Variants in TMEM201 observed in about 807,000 individuals in gnomAD.
TMEM201 encodes transmembrane protein 201, also known as RP13-15M17.2.
In TMEM201, 26 loss-of-function variants were observed where a neutral mutation model predicts 63.4. The ratio of observed to expected loss-of-function variants is 0.41; its 90% CI spans 0.30 to 0.57. The LOEUF (loss-of-function observed/expected upper bound fraction) is 0.57, where lower values mean the gene tolerates loss of function less well. Among genes scored for constraint, TMEM201 ranks in the 20% least tolerant of loss-of-function variants. The pLI, the probability that TMEM201 is intolerant of heterozygous loss-of-function variation, is 0.29. For synonymous variants in TMEM201, 417 were observed against 421.6 expected, an observed-to-expected ratio of 0.99 and a Z score of 0.14; for missense variants, 794 against 917.7, an observed-to-expected ratio of 0.87 and a Z score of 1.74.
intron 3 of TMEM201, among the ~76,000 whole-genome samples, 153 bp downstream of exon 3, chr1:9,597,206 C>T (rs1167379974): frequency 6.6e-6 from 1 of 152,176 alleles, no homozygotes; most frequent in East Asian, 1.9e-4. Context: ...AAAGGGGCCC[C>T]CTCATCCTTG....
Position 9,611,886 on chromosome 1 carries a change from G to A in TMEM201, c.1899G>A (p.Trp633Ter). The A allele has an allele frequency of 6.5e-7, 1 of 1,547,884 alleles. No individual in the cohort carries two copies. The highest frequency in any genetic ancestry group is 8.7e-7 in the Non-Finnish European group (1 of 1,145,610). ...GCTGCTCGGAGGAGGCCGCCACCTG[G>A]AGAGGTCTGTACCCTGAGGTGCGGG... ...TRGCSEEAAT[W>*]RGRFGPSLVR... is the part of the protein sequence containing the mutation. Residue 633 changes from tryptophan (W) to a stop codon, truncating the protein, a stop_gained, in exon 10 of 11, where the codon TGG becomes TGA. Transcript: ENST00000340381. LOFTEE classifies it high-confidence loss of function.
chr1:9,593,346 C>T (rs980913771), intron 1 of TMEM201, among the ~76,000 whole-genome samples: 4 of 152,214 alleles, frequency 2.6e-5, no homozygotes, highest in African/African-American at 9.6e-5. Context: ...GGCCTACCTG[C>T]CTCTTGGGAC....
intron 1 of TMEM201, among the ~76,000 whole-genome samples, chr1:9,593,717 G>T (rs1037704236): frequency 1.3e-5 from 2 of 152,218 alleles, no homozygotes; most frequent in Admixed American, 6.5e-5. Context: ...CCCTAGGCAG[G>T]CTCAAGGGTT....
intron 1 of TMEM201, among the ~76,000 whole-genome samples, chr1:9,589,507 G>A (rs935582416): frequency 3.9e-5 from 6 of 152,262 alleles, no homozygotes; most frequent in Non-Finnish European, 7.3e-5. Context: ...GAGGGACAGG[G>A]AGGCTCAGTA....
chr1:9,595,421 G>A lies in TMEM201; in HGVS notation c.114-469G>A, dbSNP rs79496334. ...TTTCAATCTGGAGGCTCCCTGGGGC[G>A]CACCCTTTCTGCAGCCCAGGATCAA... On this transcript the variant is annotated intron_variant, in intron 1 of 10. Transcript: ENST00000340381. 2.6e-5 allele frequency among the ~76,000 whole-genome samples: 4 copies of A among 151,910 alleles called. No individual in the cohort carries two copies. The South Asian group carries it at 8.3e-4, about 32-fold the overall frequency.
In TMEM201 at chr1:9,592,484, A is replaced by G. The variant is rs150737160; in HGVS notation, c.114-3406A>G. Among the ~76,000 whole-genome samples, 5 of 152,286 alleles carry G rather than the reference A, an allele frequency of 3.3e-5. No homozygotes were observed. The East Asian group carries it at 9.6e-4, about 29-fold the overall frequency. ...CTACAACCACTGAGCTCCCCAGGGC[A>G]GGGACCAAGCCCCATCCAGTGCCCC... On this transcript the variant is annotated intron_variant, in intron 1 of 10. Transcript: ENST00000340381.
chr1:9,602,639 G>A (rs1018381645), intron 6 of TMEM201: 28 of 1,174,174 alleles, frequency 2.4e-5, no homozygotes, highest in Middle Eastern at 3.7e-4. Context: ...TCACCACGCC[G>A]TTTGCTGGCT....
intron 1 of TMEM201, among the ~76,000 whole-genome samples, chr1:9,592,785 C>T (rs1217743386): frequency 2.6e-5 from 4 of 152,210 alleles, no homozygotes; most frequent in African/African-American, 7.2e-5. Flanking sequence ...CATCTCCCTC[C>T]GGGCTTCCTC....
At chr1:9,602,625 C>G (rs1438851869) in intron 6 of TMEM201, 5 of 1,202,240 alleles carry the variant, frequency 4.2e-6, no homozygotes, top group South Asian at 1.9e-5. Context: ...CAGGCACCCC[C>G]CTCTCACCAC....
chr1:9,600,813 C>T (rs571482833), intron 4 of TMEM201, among the ~76,000 whole-genome samples: 138 of 152,150 alleles, frequency 9.1e-4, no homozygotes, highest in Non-Finnish European at 1.7e-3. Flanking sequence ...CCAGCTGCTG[C>T]GGAGACTGGG....
Position 9,601,035 on chromosome 1 carries a change from C to T in TMEM201, c.607-70C>T. On this transcript the variant is annotated intron_variant, in intron 4 of 10. Transcript: ENST00000340381. ...GGGTCTGGCCAGAACCCCGCACAGA[C>T]TGGCACCGGTGATGGCTGGGGGTGG... The T allele has an allele frequency of 3.6e-6, 5 of 1,396,064 alleles. No homozygotes were observed. In the Admixed American group the frequency reaches 9.5e-5, roughly 26 times the overall value. 86.5% of individuals were successfully genotyped at this position (1,396,064 alleles called of 1,614,324 possible).
intron 1 of TMEM201, among the ~76,000 whole-genome samples, chr1:9,594,478 T>C (rs777630039): frequency 2.6e-5 from 4 of 152,162 alleles, no homozygotes; most frequent in Non-Finnish European, 5.9e-5. Flanking sequence ...TAACTTGGCT[T>C]TTTTGCGTAC....
At chr1:9,612,900 A>T in intron 10 of TMEM201, 86 bp from the exon 11 acceptor site, 1 of 1,219,468 alleles carries the variant, frequency 8.2e-7, no homozygotes, top group Non-Finnish European at 1.2e-6. Context: ...TGAGCTCCCC[A>T]CAAACTGCAT....
At chr1:9,589,414 G>T (rs1420021360) in intron 1 of TMEM201, among the ~76,000 whole-genome samples, 2 of 152,238 alleles carry the variant, frequency 1.3e-5, no homozygotes. Context: ...TTGCTGCTCG[G>T]CATGTGACGT....
Position 9,588,986 on chromosome 1 carries a change from G to A in TMEM201, c.56G>A (p.Gly19Asp). ...ARCPTAGLAG[G>D]LGVTACAAAG... is the part of the protein sequence containing the mutation. Reference sequence around the variant, plus strand: ...TGCCCCACGGCCGGCCTGGCCGGCGGCCTGGGGGTCACGGCGTGCGCCGCG... The same window carrying A: ...TGCCCCACGGCCGGCCTGGCCGGCGACCTGGGGGTCACGGCGTGCGCCGCG... The change falls in exon 1 of 11, where the codon GGC becomes GAC. Residue 19 changes from glycine (G) to aspartate (D), a missense_variant. Transcript: ENST00000340381. 1.6e-6 allele frequency: 2 copies of A among 1,223,766 alleles called. No individual in the cohort carries two copies. Among genetic ancestry groups the A allele is most frequent in the Non-Finnish European group, 1.0e-6 (1 of 969,084 alleles). The allele number at this position is 1,223,766 out of a possible 1,614,324, so 75.8% of individuals were successfully genotyped here. A position where few individuals can be genotyped will look rare whatever the true frequency, so the allele number is the denominator to read the frequency against.
chr1:9,603,336 T>C lies in TMEM201; in HGVS notation c.1160+1064T>C, dbSNP rs995098508. 8.1e-6 allele frequency: 8 copies of C among 984,912 alleles called. No homozygotes were observed. Among genetic ancestry groups the C allele is most frequent in the African/African-American group, 1.7e-5 (1 of 57,304 alleles). The allele number at this position is 984,912 out of a possible 1,614,324, so 61.0% of individuals were successfully genotyped here. A position where few individuals can be genotyped will look rare whatever the true frequency, so the allele number is the denominator to read the frequency against. On this transcript the variant is annotated intron_variant, in intron 6 of 10. Coordinates refer to ENST00000340381, the MANE Select transcript of TMEM201 (RefSeq NM_001130924.3). The surrounding 1 kb of genome is among the most constrained non-coding windows in gnomAD (Gnocchi z 4.5). ...GGTGCCAGCTCAGTGGGTGTGGGGA[T>C]CACATGAGGTGGCTCATGAGGACAC...
chr1:9,609,117 C>T (rs556803160), intron 7 of TMEM201, among the ~76,000 whole-genome samples: 2 of 152,340 alleles, frequency 1.3e-5, no homozygotes, highest in African/African-American at 2.4e-5. Context: ...AGCAGGAAGA[C>T]GGCCTCTCCC....
In TMEM201 at chr1:9,608,417, A is replaced by G. The variant is rs544861584; in HGVS notation, c.1393+628A>G. Among the ~76,000 whole-genome samples the G allele has an allele frequency of 1.3e-5, 2 of 152,314 alleles. No homozygotes were observed. Among genetic ancestry groups the G allele is most frequent in the African/African-American group, 4.8e-5 (2 of 41,578 alleles). Reference sequence around the variant, plus strand: ...CAAAGGGGGCCACTCTAGTTATTCTAGGGGAGGAGATGCTGATAACAGCCA... The same window carrying G: ...CAAAGGGGGCCACTCTAGTTATTCTGGGGGAGGAGATGCTGATAACAGCCA... On this transcript the variant is annotated intron_variant, in intron 7 of 10. Coordinates refer to ENST00000340381, the MANE Select transcript of TMEM201 (RefSeq NM_001130924.3). The surrounding 1 kb of genome is among the most constrained non-coding windows in gnomAD (Gnocchi z 4.3).
intron 7 of TMEM201, among the ~76,000 whole-genome samples, 171 bp from the exon 8 acceptor site, chr1:9,609,669 G>A (rs1200594325): frequency 5.9e-5 from 9 of 152,124 alleles, no homozygotes; most frequent in Admixed American, 2.0e-4. Flanking sequence ...AAAAGGGAAC[G>A]TGCCCAGCAG....
Sources: gnomAD v4.1 joint callset for allele counts (sites outside exome capture counted in the v4.1 genomes callset) on GRCh38, gnomAD v4.1.1 for gene constraint, Gnocchi (gnomAD v3.1) non-coding constraint, MANE v1.5 for transcripts, NCBI Gene and HGNC (gene_info 2026-07-23, HGNC 2026-07-21) for gene names.